RAP1GAP2: variants seen among roughly 807,000 people sequenced by gnomAD.
The protein encoded by RAP1GAP2 is RAP1 GTPase activating protein 2.
A neutral mutation model predicts 95.0 loss-of-function variants in RAP1GAP2; 27 were observed. That is an observed-to-expected ratio of 0.28 (90% CI 0.21 to 0.39). The LOEUF (loss-of-function observed/expected upper bound fraction) is 0.39. Among genes scored for constraint, RAP1GAP2 ranks in the 10% least tolerant of loss-of-function variants. The pLI is 1.00. For missense variants in RAP1GAP2, 771 were observed against 970.0 expected (o/e 0.79, Z 2.72); for synonymous variants, 373 against 380.9 (o/e 0.98, Z 0.24).
rs573626541 is a variant in RAP1GAP2 at position 2,906,240 on chromosome 17, G to A, written c.165+872G>A. Among the ~76,000 whole-genome samples, 106 of 152,278 alleles carry A rather than the reference G, an allele frequency of 7.0e-4. 2 individuals carry two copies. Among genetic ancestry groups the A allele is most frequent in the Admixed American group, 6.9e-3 (105 of 15,292 alleles). On this transcript the variant is annotated intron_variant, in intron 3 of 24. Coordinates refer to ENST00000254695, the MANE Select transcript of RAP1GAP2 (RefSeq NM_015085.5). The surrounding 1 kb of genome is among the most constrained non-coding windows in gnomAD (Gnocchi z 4.3). The stretch of plus-strand genomic sequence containing the variant: ...CTGTGCTCTGAGTGGCTCACAGGGA[G>A]ATCATCAGGCATCTCTTCCTCACTG...
At chr17:2,958,710 T>C (rs2044208131) in intron 4 of RAP1GAP2, among the ~76,000 whole-genome samples, 1 of 152,012 alleles carries the variant, frequency 6.6e-6, no homozygotes, top group East Asian at 1.9e-4. Context: ...ATGATGCTTT[T>C]TACCATAAGT....
chr17:2,875,678 G>A lies in RAP1GAP2; in HGVS notation c.81-29606G>A, dbSNP rs117920319. Among the ~76,000 whole-genome samples, 375 of 152,074 alleles carry A rather than the reference G, an allele frequency of 2.5e-3. 1 individual carries two copies. Among genetic ancestry groups the A allele is most frequent in the Non-Finnish European group, 4.6e-3 (315 of 67,998 alleles). On this transcript the variant is annotated intron_variant, in intron 2 of 24. Transcript: ENST00000254695. Reference sequence around the variant, plus strand: ...ATTCAACATTGCCTTTTTTTCTCACGACAGTGAATGTCTTGTCCTCCTGGT... The same window carrying A: ...ATTCAACATTGCCTTTTTTTCTCACAACAGTGAATGTCTTGTCCTCCTGGT...
intron 2 of RAP1GAP2, among the ~76,000 whole-genome samples, chr17:2,822,152 T>C (rs989598514): frequency 6.6e-6 from 1 of 152,228 alleles, no homozygotes; most frequent in South Asian, 2.1e-4. Context: ...AAGCATAATA[T>C]GTCGTGGGTC....
At chr17:2,995,219 C>T in intron 12 of RAP1GAP2, 118 bp from the exon 13 acceptor site, 1 of 1,295,238 alleles carries the variant, frequency 7.7e-7, no homozygotes, top group Admixed American at 1.9e-5. Context: ...CTGCCCTCAG[C>T]TCTCCTGTCT....
chr17:2,870,381 T>G lies in RAP1GAP2; in HGVS notation c.81-34903T>G, dbSNP rs2003446. Among the ~76,000 whole-genome samples, 15,436 of 151,998 alleles carry G rather than the reference T, an allele frequency of 0.1. 1,757 individuals carry two copies. Among genetic ancestry groups the G allele is most frequent in the East Asian group, 0.59 (3,023 of 5,150 alleles). Reference sequence around the variant, plus strand: ...ATCTGCCTGCCTCGTCCTCCCAAAGTGCTGGGATTACAGGCATGAGCCACC... The same window carrying G: ...ATCTGCCTGCCTCGTCCTCCCAAAGGGCTGGGATTACAGGCATGAGCCACC... On this transcript the variant is annotated intron_variant, in intron 2 of 24. Coordinates refer to ENST00000254695, the MANE Select transcript of RAP1GAP2 (RefSeq NM_015085.5). The surrounding 1 kb of genome is among the most constrained non-coding windows in gnomAD (Gnocchi z 4.4).
At chr17:2,884,201 C>T (rs777008579) in intron 2 of RAP1GAP2, among the ~76,000 whole-genome samples, 13 of 152,138 alleles carry the variant, frequency 8.5e-5, no homozygotes, top group Non-Finnish European at 1.2e-4. Context: ...GAATACTCAG[C>T]GTACTCAATT....
rs552145198 is a variant in RAP1GAP2 at position 2,898,840 on chromosome 17, G to C, written c.81-6444G>C. Among the ~76,000 whole-genome samples the C allele has an allele frequency of 4.3e-4, 63 of 148,068 alleles. 2 individuals are homozygous for C. In the South Asian group the frequency reaches 0.011, roughly 26 times the overall value. On this transcript the variant is annotated intron_variant, in intron 2 of 24. Transcript: ENST00000254695. Reference sequence around the variant, plus strand: ...TCCTCATAACGCCCCATGAGGCGAGGAGTAGTCACACCGTTTTACAGATGA... The same window carrying C: ...TCCTCATAACGCCCCATGAGGCGAGCAGTAGTCACACCGTTTTACAGATGA...
At chr17:2,780,632 C>T (rs999982271) in intron 1 of RAP1GAP2, among the ~76,000 whole-genome samples, 1 of 152,176 alleles carries the variant, frequency 6.6e-6, no homozygotes, top group African/African-American at 2.4e-5. Flanking sequence ...CTCAGGCTGG[C>T]CTTACAAAGG....
chr17:2,965,471 G>T lies in RAP1GAP2; in HGVS notation c.493-69G>T. The T allele has an allele frequency of 3.4e-6, 4 of 1,160,268 alleles. No individual in the cohort carries two copies. The highest frequency in any genetic ancestry group is 3.8e-6 in the Non-Finnish European group (3 of 796,294). 71.9% of individuals were successfully genotyped at this position (1,160,268 alleles called of 1,614,324 possible). Reference sequence around the variant, plus strand: ...TGTGGGGCTTCTCCTGGTGAAGGAGGTGGTTTAGGGGGAACATACCTGGAA... The same window carrying T: ...TGTGGGGCTTCTCCTGGTGAAGGAGTTGGTTTAGGGGGAACATACCTGGAA... On this transcript the variant is annotated intron_variant, in intron 7 of 24. Coordinates refer to ENST00000254695, the MANE Select transcript of RAP1GAP2 (RefSeq NM_015085.5). This position sits in a 1 kb window ranked among gnomAD's most constrained non-coding sequence, Gnocchi z 4.7.
intron 13 of RAP1GAP2, 43 bp downstream of exon 13, chr17:2,995,509 G>A (rs2045919496): frequency 1.9e-6 from 3 of 1,609,900 alleles, no homozygotes; most frequent in African/African-American, 2.7e-5. Flanking sequence ...GGGCGGGCGA[G>A]GTGAGGGCCT....
rs540459701 is a variant in RAP1GAP2, at chr17:2,897,107, C to T, written c.81-8177C>T. On this transcript the variant is annotated intron_variant, in intron 2 of 24. Coordinates refer to ENST00000254695, the MANE Select transcript of RAP1GAP2 (RefSeq NM_015085.5). ...ATCCCAGCGCTTTGGGAGGCTGAGG[C>T]GGGTAGATCGCCTGAGGTCAGGAGT... 1.7e-3 allele frequency among the ~76,000 whole-genome samples: 262 copies of T among 152,270 alleles called. 1 individual carries two copies. The highest frequency in any genetic ancestry group is 1.6e-3 in the Non-Finnish European group (106 of 68,006).
chr17:2,975,942 C>G (rs2045099456), intron 8 of RAP1GAP2, among the ~76,000 whole-genome samples: 1 of 151,990 alleles, frequency 6.6e-6, no homozygotes, highest in South Asian at 2.1e-4. Context: ...TTTTCTAGGT[C>G]CCCCAGAGGC....
intron 2 of RAP1GAP2, among the ~76,000 whole-genome samples, chr17:2,812,456 A>G (rs1301578245): frequency 6.6e-6 from 1 of 151,874 alleles, no homozygotes; most frequent in Non-Finnish European, 1.5e-5. Flanking sequence ...TTCATCCCTC[A>G]AGCTGGCTCC....
chr17:2,891,818 T>TC (rs1378427149), intron 2 of RAP1GAP2, among the ~76,000 whole-genome samples: 2 of 104,836 alleles, frequency 1.9e-5, no homozygotes, highest in South Asian at 3.4e-4. Flanking sequence ...TCTTTTCTTT[T>TC]TTTTTTTTTT....
chr17:2,839,356 A>G (rs1467622429), intron 2 of RAP1GAP2, among the ~76,000 whole-genome samples: 2 of 152,050 alleles, frequency 1.3e-5, no homozygotes, highest in Non-Finnish European at 2.9e-5. Flanking sequence ...TTACAGAAAA[A>G]TTAAGAGTAC....
At chr17:3,022,233 T>A (rs1010683188) in intron 19 of RAP1GAP2, among the ~76,000 whole-genome samples, 3 of 152,216 alleles carry the variant, frequency 2.0e-5, no homozygotes, top group Non-Finnish European at 4.4e-5. Flanking sequence ...GGGGCAGATG[T>A]CACAGACTCC....
chr17:2,975,754 C>T (rs1040776506), intron 8 of RAP1GAP2, among the ~76,000 whole-genome samples: 3 of 152,238 alleles, frequency 2.0e-5, no homozygotes, highest in Non-Finnish European at 4.4e-5. Flanking sequence ...GCCCCTGGCC[C>T]GCACTGCCTG....
chr17:2,856,287 GC>G (rs545406697), intron 2 of RAP1GAP2, among the ~76,000 whole-genome samples: 97 of 152,256 alleles, frequency 6.4e-4, no homozygotes, highest in African/African-American at 2.3e-3. Context: ...GAGAGGAAAA[GC>G]CCCCTGCACA....
intron 2 of RAP1GAP2, among the ~76,000 whole-genome samples, chr17:2,863,145 T>C (rs143222877): frequency 8.0e-4 from 121 of 151,688 alleles, no homozygotes; most frequent in East Asian, 6.6e-3. Flanking sequence ...GATTTCTGAG[T>C]GCGGGGGTCC....
Sources: allele counts gnomAD v4.1 joint callset (sites outside exome capture counted in the v4.1 genomes callset), GRCh38; gene constraint gnomAD v4.1.1; non-coding constraint Gnocchi (gnomAD v3.1); transcripts MANE v1.5; gene names NCBI Gene and HGNC (gene_info 2026-07-23, HGNC 2026-07-21).